C7orf78: variants seen among roughly 807,000 people sequenced by gnomAD.
C7orf78 encodes chromosome 7 open reading frame 78.
chr7:12,518,461 G>T, the C7orf78 span, among the ~76,000 whole-genome samples: 1 of 152,116 alleles, frequency 6.6e-6, no homozygotes. Flanking sequence ...GTGGTAAGAT[G>T]ACTGTCTTAT....
At chr7:12,518,935 T>C in the C7orf78 span, among the ~76,000 whole-genome samples, 1 of 151,962 alleles carries the variant, frequency 6.6e-6, no homozygotes, top group Non-Finnish European at 1.5e-5. Flanking sequence ...ACTGCAGTGG[T>C]GAGTGTGAGG....
the C7orf78 span, among the ~76,000 whole-genome samples, chr7:12,498,789 C>T: frequency 6.7e-6 from 1 of 149,326 alleles, no homozygotes; most frequent in Admixed American, 6.7e-5. Context: ...TTGTCAGATT[C>T]ACCAAAGTTG....
the C7orf78 span, chr7:12,529,137 G>A: frequency 5.0e-6 from 2 of 396,674 alleles, no homozygotes; most frequent in African/African-American, 4.1e-5. Context: ...TTGTTGTAGT[G>A]TAAAATATAT....
chr7:12,532,287 C>T, the C7orf78 span, among the ~76,000 whole-genome samples: 3 of 152,160 alleles, frequency 2.0e-5, no homozygotes, highest in Admixed American at 1.3e-4. Context: ...TGGTGGCTCA[C>T]GCCTGTAATC....
chr7:12,509,958 C>T, the C7orf78 span, among the ~76,000 whole-genome samples: 23,012 of 150,358 alleles, frequency 0.15, 2,177 homozygotes, highest in South Asian at 0.21. Flanking sequence ...CACTTGAACC[C>T]GGGAGGCAGA....
chr7:12,506,032 C>T, the C7orf78 span: 10 of 152,902 alleles, frequency 6.5e-5, no homozygotes, highest in African/African-American at 2.4e-4. Context: ...GTATTTGCTT[C>T]ATTTCAGAAC....
At chr7:12,490,729 C>T in the C7orf78 span, among the ~76,000 whole-genome samples, 1 of 151,536 alleles carries the variant, frequency 6.6e-6, no homozygotes, top group Admixed American at 6.6e-5. Flanking sequence ...AAGACAAAAA[C>T]AAAACATCAA....
At chr7:12,502,740 C>T in the C7orf78 span, among the ~76,000 whole-genome samples, 1 of 150,422 alleles carries the variant, frequency 6.6e-6, no homozygotes, top group Non-Finnish European at 1.5e-5. Context: ...TGGGTATATA[C>T]CCAAAGGACT....
At chr7:12,513,980 A>G in the C7orf78 span, among the ~76,000 whole-genome samples, 1 of 152,152 alleles carries the variant, frequency 6.6e-6, no homozygotes, top group South Asian at 2.1e-4. Context: ...AGCCTGGGCA[A>G]CAGAGCGAGA....
the C7orf78 span, among the ~76,000 whole-genome samples, chr7:12,511,734 G>GT: frequency 6.6e-6 from 1 of 151,410 alleles, no homozygotes; most frequent in African/African-American, 2.4e-5. Flanking sequence ...ACTGAATTTG[G>GT]TTTTTTTGGG....
the C7orf78 span, among the ~76,000 whole-genome samples, chr7:12,493,626 C>G: frequency 6.6e-6 from 1 of 152,220 alleles, no homozygotes; most frequent in African/African-American, 2.4e-5. Flanking sequence ...GATTAAGAAC[C>G]TGGCCTCAGG....
the C7orf78 span, among the ~76,000 whole-genome samples, chr7:12,529,394 G>A: frequency 6.6e-6 from 1 of 152,116 alleles, no homozygotes; most frequent in African/African-American, 2.4e-5. Flanking sequence ...TATAATGTCG[G>A]TTAGTAATGC....
At chr7:12,493,154 C>T in the C7orf78 span, among the ~76,000 whole-genome samples, 4 of 152,186 alleles carry the variant, frequency 2.6e-5, no homozygotes, top group African/African-American at 9.6e-5. Flanking sequence ...CGAGATTGTG[C>T]TATTGCACTC....
chr7:12,541,474 T>A, the C7orf78 span: 4 of 152,132 alleles, frequency 2.6e-5, no homozygotes, highest in African/African-American at 9.7e-5. Context: ...GCAACCAGAA[T>A]TGAAGTCACT....
At chr7:12,493,426 T>A in the C7orf78 span, among the ~76,000 whole-genome samples, 1 of 152,210 alleles carries the variant, frequency 6.6e-6, no homozygotes, top group Non-Finnish European at 1.5e-5. Flanking sequence ...GTTCTCAAAG[T>A]TGACCAGACA....
At chr7:12,499,128 T>G in the C7orf78 span, among the ~76,000 whole-genome samples, 2 of 152,124 alleles carry the variant, frequency 1.3e-5, no homozygotes, top group Non-Finnish European at 2.9e-5. Flanking sequence ...CACTGCAAAA[T>G]CATGCCAAAA....
chr7:12,496,168 G>A, the C7orf78 span, among the ~76,000 whole-genome samples: 8 of 152,068 alleles, frequency 5.3e-5, no homozygotes, highest in South Asian at 2.1e-4. Flanking sequence ...CTCGTGATCC[G>A]CCGCCCTCGG....
chr7:12,499,280 A>G, the C7orf78 span, among the ~76,000 whole-genome samples: 2 of 152,160 alleles, frequency 1.3e-5, no homozygotes, highest in Non-Finnish European at 2.9e-5. Context: ...ATTAAAAGAC[A>G]CAGACTGGCA....
At chr7:12,528,823 A>C in the C7orf78 span, 1 of 396,682 alleles carries the variant, frequency 2.5e-6, no homozygotes, top group Non-Finnish European at 4.4e-6. Flanking sequence ...CCTGATCTCC[A>C]AAAATGATAC....
Sources: allele counts gnomAD v4.1 joint callset (sites outside exome capture counted in the v4.1 genomes callset), GRCh38; gene constraint gnomAD v4.1.1; transcripts MANE v1.5; gene names NCBI Gene and HGNC (gene_info 2026-07-23, HGNC 2026-07-21).